The following MGAT4C variants were observed in gnomAD, a reference collection of about 807,000 sequenced individuals.
MGAT4C encodes the protein alpha-1,3-mannosyl-glycoprotein 4-beta-N-acetylglucosaminyltransferase C.
In MGAT4C, 19 loss-of-function variants were observed where a neutral mutation model predicts 40.1. The observed-to-expected ratio is 0.47, with a 90% CI of 0.33 to 0.70. The LOEUF is 0.70. MGAT4C is among the 30% of genes least tolerant of loss of function. MGAT4C has a pLI of 0.02. For synonymous variants in MGAT4C, 181 were observed against 187.1 expected, an observed-to-expected ratio of 0.97 and a Z score of 0.27; for missense variants, 491 against 563.2, an observed-to-expected ratio of 0.87 and a Z score of 1.30.
chr12:86,236,413 C>T (rs983286900), intron 1 of MGAT4C, among the ~76,000 whole-genome samples: 1 of 152,016 alleles, frequency 6.6e-6, no homozygotes, highest in African/African-American at 2.4e-5. Flanking sequence ...CCACCCTTAT[C>T]CCAGCAGGTT....
At chr12:86,315,814 T>C (rs1954204316) in intron 4 of MGAT4C, among the ~76,000 whole-genome samples, 1 of 151,640 alleles carries the variant, frequency 6.6e-6, no homozygotes, top group Non-Finnish European at 1.5e-5. Flanking sequence ...TCAAAAGCAA[T>C]GTAGCAAAAA....
intron 1 of MGAT4C, among the ~76,000 whole-genome samples, chr12:86,112,402 G>A (rs1321554333): frequency 6.6e-6 from 1 of 151,420 alleles, no homozygotes; most frequent in African/African-American, 2.4e-5. Context: ...GAGACAGTTG[G>A]AAAATGCCAT....
chr12:86,091,475 C>T (rs879495406), intron 1 of MGAT4C, among the ~76,000 whole-genome samples: 1 of 151,876 alleles, frequency 6.6e-6, no homozygotes, highest in Admixed American at 6.6e-5. Context: ...AAGTGGCTAA[C>T]AGGAGGATTA....
chr12:86,837,526 T>C (rs140311344), intron 1 of MGAT4C, among the ~76,000 whole-genome samples: 22 of 152,174 alleles, frequency 1.4e-4, no homozygotes, highest in African/African-American at 5.3e-4. Flanking sequence ...GAACACAAAC[T>C]CTGTGTTCCA....
intron 1 of MGAT4C, among the ~76,000 whole-genome samples, chr12:86,742,247 G>C (rs1951079876): frequency 6.6e-6 from 1 of 151,294 alleles, no homozygotes; most frequent in Non-Finnish European, 1.5e-5. Flanking sequence ...ATATATCTTT[G>C]CACTCCCTAT....
At chr12:86,413,927 G>A (rs1028325734) in intron 3 of MGAT4C, among the ~76,000 whole-genome samples, 1 of 152,032 alleles carries the variant, frequency 6.6e-6, no homozygotes, top group Non-Finnish European at 1.5e-5. Flanking sequence ...AGGAAGAGAA[G>A]AGAGAATTGT....
At chr12:86,780,174 G>T (rs1951813472) in intron 1 of MGAT4C, among the ~76,000 whole-genome samples, 1 of 151,700 alleles carries the variant, frequency 6.6e-6, no homozygotes, top group African/African-American at 2.4e-5. Context: ...GTTGAATTTA[G>T]GCTGCATTAA....
At position 86,086,491 on chromosome 12, in the gene MGAT4C, A is replaced by T. The variant is rs957487005; in HGVS notation, c.-56-36768T>A. On this transcript the variant is annotated intron_variant, in intron 1 of 4. Transcript: ENST00000611864. ...TATGGCACATGTATACCTATGTAAC[A>T]AACCTGCACATCTGCACATGTATCC... Among the ~76,000 whole-genome samples, 4 of 152,216 alleles carry T rather than the reference A, an allele frequency of 2.6e-5. No homozygotes were observed. The East Asian group carries it at 7.7e-4, about 29-fold the overall frequency.
At chr12:86,712,013 T>C (rs534209813) in intron 2 of MGAT4C, among the ~76,000 whole-genome samples, 1 of 152,282 alleles carries the variant, frequency 6.6e-6, no homozygotes, top group South Asian at 2.1e-4. Context: ...TATATTGCCA[T>C]GTGCTGGTGA....
intron 2 of MGAT4C, among the ~76,000 whole-genome samples, chr12:86,556,093 A>G (rs781735941): frequency 1.3e-5 from 2 of 152,224 alleles, no homozygotes; most frequent in Non-Finnish European, 1.5e-5. Context: ...GCTCTTCAAG[A>G]AATTATTATT....
chr12:86,722,232 C>G (rs773776025), intron 2 of MGAT4C, among the ~76,000 whole-genome samples: 26 of 152,076 alleles, frequency 1.7e-4, no homozygotes, highest in South Asian at 4.2e-4. Flanking sequence ...TGGAGCAAAC[C>G]GAAAGAGGGA....
intron 2 of MGAT4C, among the ~76,000 whole-genome samples, chr12:86,709,482 A>G (rs530782427): frequency 2.0e-5 from 3 of 152,322 alleles, no homozygotes; most frequent in Admixed American, 6.5e-5. Flanking sequence ...AAAGTATTAG[A>G]AAAAAATCTT....
intron 1 of MGAT4C, among the ~76,000 whole-genome samples, chr12:86,742,871 ATT>A (rs1489773907): frequency 1.3e-5 from 2 of 151,658 alleles, no homozygotes; most frequent in African/African-American, 4.8e-5. Flanking sequence ...TTCACAGTTG[ATT>A]TGTTATTCCC....
chr12:86,714,318 C>A (rs1038385036), intron 2 of MGAT4C, among the ~76,000 whole-genome samples: 1 of 152,026 alleles, frequency 6.6e-6, no homozygotes, highest in East Asian at 1.9e-4. Flanking sequence ...TCAGTGTCTA[C>A]CTCAGTATTT....
chr12:86,640,414 T>C (rs1963346689), intron 2 of MGAT4C, among the ~76,000 whole-genome samples: 1 of 151,850 alleles, frequency 6.6e-6, no homozygotes, highest in Admixed American at 6.6e-5. Context: ...AACCTGTCCA[T>C]AAGTTTTAAG....
chr12:86,192,717 A>G (rs1451577120), intron 1 of MGAT4C, among the ~76,000 whole-genome samples: 2 of 152,166 alleles, frequency 1.3e-5, no homozygotes, highest in African/African-American at 2.4e-5. Flanking sequence ...GTTGATATTG[A>G]GGTATCTTCT....
At chr12:86,038,244 G>A (rs1176453372) in intron 2 of MGAT4C, among the ~76,000 whole-genome samples, 1 of 149,778 alleles carries the variant, frequency 6.7e-6, no homozygotes, top group Non-Finnish European at 1.5e-5. Context: ...GTTTAAGCTA[G>A]AAGCAAGGAG....
At chr12:86,697,539 T>G (rs1950279928) in intron 2 of MGAT4C, among the ~76,000 whole-genome samples, 1 of 152,068 alleles carries the variant, frequency 6.6e-6, no homozygotes, top group Non-Finnish European at 1.5e-5. Flanking sequence ...ACACAAAATG[T>G]AATCACCCAA....
rs1361698458 is a variant in MGAT4C, at chr12:86,212,921, AG to A, written c.-57+43317del. Among the ~76,000 whole-genome samples, 1,072 of 138,776 alleles carry A rather than the reference AG, an allele frequency of 7.7e-3. 294 individuals carry two copies. Among genetic ancestry groups the A allele is most frequent in the Non-Finnish European group, 0.013 (813 of 62,452 alleles). The allele number at this position is 138,776 out of a possible 152,430, so 91.0% of individuals were successfully genotyped here. ...AAAAAAAAAAAAAAAAAAAAAAAAA[AG>A]AACACTCATTAACTGTTAGTGAGAT... On this transcript the variant is annotated intron_variant, in intron 1 of 4. Transcript: ENST00000611864.
Sources: gnomAD v4.1 joint callset for allele counts (sites outside exome capture counted in the v4.1 genomes callset) on GRCh38, gnomAD v4.1.1 for gene constraint, MANE v1.5 for transcripts, NCBI Gene and HGNC (gene_info 2026-07-23, HGNC 2026-07-21) for gene names.